Variants in DMXL1 observed in about 807,000 individuals in gnomAD.
DMXL1 encodes the protein dmX-like protein 1.
DMXL1 carries 99 observed loss-of-function variants against 319.2 expected under a neutral mutation model. The observed-to-expected ratio is 0.31, with a 90% confidence interval of 0.26 to 0.37. The LOEUF (loss-of-function observed/expected upper bound fraction) is 0.37. Among genes scored for constraint, DMXL1 ranks in the 10% least tolerant of loss-of-function variants. The pLI is 1.00. For synonymous variants in DMXL1, 1,385 were observed against 1,235.2 expected, an observed-to-expected ratio of 1.12 and a Z score of -2.54; for missense variants, 3,745 against 3,595.6, an observed-to-expected ratio of 1.04 and a Z score of -1.06.
intron 1 of DMXL1, among the ~76,000 whole-genome samples, chr5:119,084,216 G>C (rs1752835862): frequency 6.6e-6 from 1 of 151,946 alleles, no homozygotes; most frequent in South Asian, 2.1e-4. Context: ...TGCCTCCTGG[G>C]TTGAAGCAAT....
In DMXL1 at chr5:119,143,928, C is replaced by G. The variant is rs767635891; in HGVS notation, c.2464C>G (p.Leu822Val). ...TATTGCATTAGATCCCATTACCAAA[C>G]TTGTAAGTATTAATTTTGGGGGGGA... Reference protein sequence around the residue: ...CIIALDPITKLHGRKTQLLHV... With the variant: ...CIIALDPITKVHGRKTQLLHV... The change falls in exon 14 of 44, where the codon CTT becomes GTT. Residue 822 changes from leucine (L) to valine (V), a missense_variant and splice_region_variant. Transcript: ENST00000539542. 2 of 1,554,928 alleles carry G rather than the reference C, an allele frequency of 1.3e-6. No homozygotes were observed. The highest frequency in any genetic ancestry group is 2.5e-5 in the South Asian group (2 of 80,204).
At chr5:119,234,087 G>A (rs1437031126) in intron 39 of DMXL1, among the ~76,000 whole-genome samples, 1 of 152,086 alleles carries the variant, frequency 6.6e-6, no homozygotes, top group African/African-American at 2.4e-5. Context: ...TATTTATTAT[G>A]TGGCCACCTA....
At chr5:119,135,451 T>C (rs1045480046) in intron 13 of DMXL1, among the ~76,000 whole-genome samples, 1 of 152,180 alleles carries the variant, frequency 6.6e-6, no homozygotes, top group African/African-American at 2.4e-5. Context: ...TACGTAGATA[T>C]TTATTAAAGA....
At chr5:119,219,014 T>G (rs1188027177) in intron 35 of DMXL1, among the ~76,000 whole-genome samples, 1 of 152,172 alleles carries the variant, frequency 6.6e-6, no homozygotes, top group African/African-American at 2.4e-5. Flanking sequence ...ATTTAATTGA[T>G]CCATTAAACA....
chr5:119,196,510 C>CTTTT, intron 31 of DMXL1, 54 bp downstream of exon 31: 1 of 911,160 alleles, frequency 1.1e-6, no homozygotes, highest in Non-Finnish European at 1.6e-6. Context: ...ACTTACTACT[C>CTTTT]TGTTGTTTTT....
In DMXL1 at chr5:119,206,863, A is replaced by G; in HGVS notation, c.7893A>G (p.Lys2631=). 1 of 1,529,890 alleles carries G rather than the reference A, an allele frequency of 6.5e-7. No individual in the cohort carries two copies. Among genetic ancestry groups the G allele is most frequent in the Non-Finnish European group, 8.7e-7 (1 of 1,142,892 alleles). 94.8% of individuals were successfully genotyped at this position (1,529,890 alleles called of 1,614,324 possible). Residue 2631 remains lysine (K), a synonymous_variant, in exon 34 of 44, where the codon AAA becomes AAG. Coordinates refer to ENST00000539542, the MANE Select transcript of DMXL1 (RefSeq NM_001290321.3). ...TAGAGGACAACAGTGAAACCATCAAAAATTCTATGATGGAGGAGCCAAACA... is the reference window on the plus strand; with the variant it reads ...TAGAGGACAACAGTGAAACCATCAAGAATTCTATGATGGAGGAGCCAAACA... ...ESLEDNSETI[K]NSMMEEPNIN...
At chr5:119,164,239 C>T (rs11241492) in intron 19 of DMXL1, among the ~76,000 whole-genome samples, 1 of 151,946 alleles carries the variant, frequency 6.6e-6, no homozygotes, top group African/African-American at 2.4e-5. Flanking sequence ...AAAAAGGATC[C>T]GAAATACATC....
chr5:119,173,776 GTA>G lies in DMXL1; in HGVS notation c.6682-1464_6682-1463del, dbSNP rs758312462. 2.9e-3 allele frequency among the ~76,000 whole-genome samples: 194 copies of G among 67,058 alleles called. 21 individuals are homozygous for G. In the South Asian group the frequency reaches 0.036, roughly 12 times the overall value. The allele number at this position is 67,058 out of a possible 152,430, so 44.0% of individuals were successfully genotyped here. ...TGTGTATATATATATATGTGTGTGT[GTA>G]TATATATATATATATATATAATGAG... On this transcript the variant is annotated intron_variant, in intron 25 of 43. Coordinates refer to ENST00000539542, the MANE Select transcript of DMXL1 (RefSeq NM_001290321.3).
chr5:119,131,292 C>G (rs892401282), intron 10 of DMXL1, among the ~76,000 whole-genome samples: 4 of 151,768 alleles, frequency 2.6e-5, no homozygotes, highest in Admixed American at 6.6e-5. Context: ...GGTGAGGGGA[C>G]TGGGATTTTT....
At chr5:119,098,808 TG>T (rs1756572265) in intron 2 of DMXL1, among the ~76,000 whole-genome samples, 1 of 152,196 alleles carries the variant, frequency 6.6e-6, no homozygotes, top group South Asian at 2.1e-4. Context: ...TATATATAGT[TG>T]TAGCTAGACT....
chr5:119,134,442 A>C, intron 13 of DMXL1, 53 bp downstream of exon 13: 2 of 1,437,994 alleles, frequency 1.4e-6, no homozygotes, highest in Non-Finnish European at 1.9e-6. Flanking sequence ...GTTTTCAGAT[A>C]GTTTATATTT....
intron 3 of DMXL1, 61 bp from the exon 4 acceptor site, chr5:119,105,119 A>C: frequency 9.5e-7 from 1 of 1,055,704 alleles, no homozygotes; most frequent in Non-Finnish European, 1.5e-6. Flanking sequence ...GCATAAACGT[A>C]CACATTTGAC....
At chr5:119,190,998 A>T (rs545027614) in intron 29 of DMXL1, among the ~76,000 whole-genome samples, 27 of 152,252 alleles carry the variant, frequency 1.8e-4, no homozygotes, top group African/African-American at 5.8e-4. Context: ...AAAATGTTTT[A>T]TTTCTTTGTA....
chr5:119,150,155 A>T lies in DMXL1; in HGVS notation c.4328A>T (p.Tyr1443Phe). 1 of 1,613,882 alleles carries T rather than the reference A, an allele frequency of 6.2e-7. No homozygotes were observed. Residue 1443 changes from tyrosine to phenylalanine, a missense_variant, in exon 18 of 44, where the codon TAT becomes TTT. Coordinates refer to ENST00000539542, the MANE Select transcript of DMXL1 (RefSeq NM_001290321.3). Reference sequence around the variant, plus strand: ...TCAAACCAATTATCTAAAGAAAGTTATGATGAGCTTTTTCAGACTCAACTT... The same window carrying T: ...TCAAACCAATTATCTAAAGAAAGTTTTGATGAGCTTTTTCAGACTCAACTT... ...SKSNQLSKES[Y>F]DELFQTQLLM...
At chr5:119,119,721 G>A (rs1761617738) in intron 8 of DMXL1, among the ~76,000 whole-genome samples, 1 of 151,744 alleles carries the variant, frequency 6.6e-6, no homozygotes, top group African/African-American at 2.4e-5. Context: ...TGTTTGCCAG[G>A]GCTGGTCTCG....
At chr5:119,096,322 A>G (rs1040403472) in intron 1 of DMXL1, among the ~76,000 whole-genome samples, 42 of 151,986 alleles carry the variant, frequency 2.8e-4, no homozygotes, top group African/African-American at 9.2e-4. Context: ...GATTACAGGC[A>G]TGCACGACCA....
intron 10 of DMXL1, among the ~76,000 whole-genome samples, chr5:119,129,767 A>G (rs1027591380): frequency 6.6e-6 from 1 of 152,228 alleles, no homozygotes; most frequent in Non-Finnish European, 1.5e-5. Context: ...AGAATCTGCA[A>G]TTTAATGAAA....
chr5:119,208,841 C>T (rs1782231479), intron 34 of DMXL1, among the ~76,000 whole-genome samples: 1 of 152,082 alleles, frequency 6.6e-6, no homozygotes, highest in Admixed American at 6.6e-5. Context: ...AGAATTTAAT[C>T]CCTCCATTTT....
chr5:119,219,639 C>T (rs1291833831), intron 35 of DMXL1, among the ~76,000 whole-genome samples: 1 of 152,076 alleles, frequency 6.6e-6, no homozygotes, highest in African/African-American at 2.4e-5. Flanking sequence ...GCAATGTCAG[C>T]TCACTGCAGC....
Sources: allele counts gnomAD v4.1 joint callset (sites outside exome capture counted in the v4.1 genomes callset), GRCh38; gene constraint gnomAD v4.1.1; transcripts MANE v1.5; gene names NCBI Gene and HGNC (gene_info 2026-07-23, HGNC 2026-07-21).